Variants in RAB3B observed in about 807,000 individuals in gnomAD.
The protein encoded by RAB3B is ras-related protein Rab-3B.
Under a neutral mutation model 20.5 loss-of-function variants are expected in RAB3B, and 11 were observed. That is an observed-to-expected ratio of 0.54 (90% CI 0.34 to 0.89). The LOEUF (loss-of-function observed/expected upper bound fraction) is 0.89, where lower values mean the gene tolerates loss of function less well. RAB3B is among the 40% of genes least tolerant of loss of function. The pLI is 0.02. For synonymous variants in RAB3B, 99 were observed against 106.3 expected, an observed-to-expected ratio of 0.93 and a Z score of 0.42; for missense variants, 225 against 280.9, an observed-to-expected ratio of 0.80 and a Z score of 1.42.
At chr1:51,982,809 T>G (rs1429356115) in intron 1 of RAB3B, among the ~76,000 whole-genome samples, 2 of 152,028 alleles carry the variant, frequency 1.3e-5, no homozygotes, top group African/African-American at 4.8e-5. Context: ...TTTTAAAAAT[T>G]TTTTAAGTTT....
rs1275214508 is a variant in RAB3B, at chr1:51,915,161, G to C, written c.*4766C>G. 1 of 152,110 alleles carries C rather than the reference G, an allele frequency of 6.6e-6. No individual in the cohort carries two copies. Among genetic ancestry groups the C allele is most frequent in the Non-Finnish European group, 1.5e-5 (1 of 68,024 alleles). 9.4% of individuals were successfully genotyped at this position (152,110 alleles called of 1,614,324 possible). On this transcript the variant is annotated 3_prime_UTR_variant, in exon 5 of 5. Transcript: ENST00000371655. ...TGACTTGAGCATGTTAACTTTTCCA[G>C]GGCTGTTTCCTTGACTGCCAAATTG...
intron 2 of RAB3B, among the ~76,000 whole-genome samples, chr1:51,966,170 T>C (rs1467495966): frequency 6.6e-6 from 1 of 152,222 alleles, no homozygotes; most frequent in African/African-American, 2.4e-5. Flanking sequence ...CTTGCAAATG[T>C]CATTTCTTCC....
At chr1:51,954,594 T>G (rs1385635846) in intron 2 of RAB3B, among the ~76,000 whole-genome samples, 1 of 152,178 alleles carries the variant, frequency 6.6e-6, no homozygotes, top group East Asian at 1.9e-4. Flanking sequence ...GGATCACTGT[T>G]GTAGCTGGAG....
At chr1:51,957,254 A>G (rs569507051) in intron 2 of RAB3B, among the ~76,000 whole-genome samples, 1 of 152,228 alleles carries the variant, frequency 6.6e-6, no homozygotes, top group Non-Finnish European at 1.5e-5. Flanking sequence ...GAACAAGACA[A>G]AAATATATTT....
chr1:51,988,140 T>A (rs549772936), intron 1 of RAB3B, among the ~76,000 whole-genome samples: 1 of 152,208 alleles, frequency 6.6e-6, no homozygotes, highest in Non-Finnish European at 1.5e-5. Flanking sequence ...AAAGGTCAAC[T>A]GTATATGCAA....
At chr1:51,944,766 C>T (rs575381989) in intron 2 of RAB3B, among the ~76,000 whole-genome samples, 15 of 152,124 alleles carry the variant, frequency 9.9e-5, no homozygotes, top group Admixed American at 4.6e-4. Context: ...TACAGATGAG[C>T]GAAGAAAATG....
chr1:51,950,402 C>A (rs1684621796), intron 2 of RAB3B, among the ~76,000 whole-genome samples: 1 of 152,174 alleles, frequency 6.6e-6, no homozygotes, highest in Non-Finnish European at 1.5e-5. Context: ...AAAATCAAGT[C>A]ATACTTAGCT....
At chr1:51,989,081 G>T (rs1685186003) in intron 1 of RAB3B, among the ~76,000 whole-genome samples, 1 of 143,366 alleles carries the variant, frequency 7.0e-6, no homozygotes, top group African/African-American at 2.6e-5. Flanking sequence ...CACAGAACAG[G>T]TGGACACCCA....
At chr1:51,968,469 C>T (rs1684885840) in intron 2 of RAB3B, among the ~76,000 whole-genome samples, 1 of 152,194 alleles carries the variant, frequency 6.6e-6, no homozygotes, top group Non-Finnish European at 1.5e-5. Flanking sequence ...CTCATAATTT[C>T]AGTCTCATTA....
Position 51,910,659 on chromosome 1 carries a change from C to G in RAB3B, c.*9268G>C, listed in dbSNP as rs1316649684. On this transcript the variant is annotated 3_prime_UTR_variant, in exon 5 of 5. Coordinates refer to ENST00000371655, the MANE Select transcript of RAB3B (RefSeq NM_002867.4). Reference sequence around the variant, plus strand: ...GGATTGCTGCCAAAATCCTGTTTCCCCCTTGCAGATCTTACAGAAAACAGC... The same window carrying G: ...GGATTGCTGCCAAAATCCTGTTTCCGCCTTGCAGATCTTACAGAAAACAGC... The G allele has an allele frequency of 6.6e-6, 1 of 152,120 alleles. No homozygotes were observed. The highest frequency in any genetic ancestry group is 6.6e-5 in the Admixed American group (1 of 15,258). The allele number at this position is 152,120 out of a possible 1,614,324, so 9.4% of individuals were successfully genotyped here.
intron 4 of RAB3B, 83 bp from the exon 5 acceptor site, chr1:51,920,197 G>A: frequency 4.0e-6 from 5 of 1,247,542 alleles, no homozygotes; most frequent in Middle Eastern, 2.0e-4. Flanking sequence ...AAGCACTCTG[G>A]ATTAATATGT....
At chr1:51,974,482 T>C (rs1684981395) in intron 2 of RAB3B, among the ~76,000 whole-genome samples, 1 of 152,204 alleles carries the variant, frequency 6.6e-6, no homozygotes, top group African/African-American at 2.4e-5. Context: ...TGGGAATCAG[T>C]GAACTAGACG....
intron 4 of RAB3B, among the ~76,000 whole-genome samples, chr1:51,926,035 C>A (rs993232531): frequency 6.6e-6 from 1 of 152,160 alleles, no homozygotes; most frequent in African/African-American, 2.4e-5. Context: ...AGTCACCTGC[C>A]AATATCTTCC....
At chr1:51,987,216 CGAGAA>C (rs1193738745) in intron 1 of RAB3B, among the ~76,000 whole-genome samples, 9 of 152,012 alleles carry the variant, frequency 5.9e-5, no homozygotes, top group African/African-American at 1.9e-4. Context: ...TAAAATCCAG[CGAGAA>C]GAGATCAGCT....
At position 51,914,887 on chromosome 1, in the gene RAB3B, G is replaced by C. The variant is rs529333871; in HGVS notation, c.*5040C>G. On this transcript the variant is annotated 3_prime_UTR_variant, in exon 5 of 5. Coordinates refer to ENST00000371655, the MANE Select transcript of RAB3B (RefSeq NM_002867.4). ...ATCCAAGCAAGGAGCTTAGTGGCCG[G>C]CAGGAGCAGGTGATATGAGTTGGGG... is the stretch of plus-strand genomic sequence containing the variant. The C allele has an allele frequency of 3.9e-5, 6 of 152,186 alleles. No homozygotes were observed. Among genetic ancestry groups the C allele is most frequent in the Admixed American group, 1.3e-4 (2 of 15,270 alleles). The allele number at this position is 152,186 out of a possible 1,614,324, so 9.4% of individuals were successfully genotyped here.
intron 2 of RAB3B, chr1:51,973,455 C>T (rs1314439494): frequency 5.2e-5 from 3 of 57,966 alleles, no homozygotes; most frequent in Non-Finnish European, 1.3e-4. Flanking sequence ...CATCTGATCT[C>T]GGAAGCTAAG....
chr1:51,953,480 G>GT (rs1431020769), intron 2 of RAB3B, among the ~76,000 whole-genome samples: 1 of 152,208 alleles, frequency 6.6e-6, no homozygotes, highest in Non-Finnish European at 1.5e-5. Flanking sequence ...GGTGATAAAA[G>GT]TAAGACTCTT....
At chr1:51,974,474 G>C (rs1430539933) in intron 2 of RAB3B, among the ~76,000 whole-genome samples, 1 of 152,110 alleles carries the variant, frequency 6.6e-6, no homozygotes, top group Non-Finnish European at 1.5e-5. Flanking sequence ...CATGGGTCTG[G>C]GAATCAGTGA....
At chr1:51,952,169 C>T (rs1684649432) in intron 2 of RAB3B, among the ~76,000 whole-genome samples, 1 of 152,056 alleles carries the variant, frequency 6.6e-6, no homozygotes, top group African/African-American at 2.4e-5. Context: ...ATGTGTGATC[C>T]CTATCCTCAG....
Sources: gnomAD v4.1 joint callset for allele counts (sites outside exome capture counted in the v4.1 genomes callset) on GRCh38, gnomAD v4.1.1 for gene constraint, MANE v1.5 for transcripts, NCBI Gene and HGNC (gene_info 2026-07-23, HGNC 2026-07-21) for gene names.